Variants in NAV3 observed in about 807,000 individuals in gnomAD.
The protein encoded by NAV3 is pore membrane and/or filament interacting like protein 1.
In NAV3, 87 loss-of-function variants were observed where a neutral mutation model predicts 244.7. The ratio of observed to expected loss-of-function variants is 0.36; its 90% confidence interval spans 0.30 to 0.42. NAV3 has a LOEUF of 0.42. NAV3 is among the 20% of genes least tolerant of loss of function. The pLI is 1.00. For missense variants in NAV3, 2,663 were observed against 2,893.3 expected (o/e 0.92, Z 1.83); for synonymous variants, 1,126 against 1,042.2 (o/e 1.08, Z -1.55).
At chr12:77,576,977 G>C (rs78808483) in intron 2 of NAV3, among the ~76,000 whole-genome samples, 68 of 152,208 alleles carry the variant, frequency 4.5e-4, no homozygotes, top group African/African-American at 1.5e-3. Context: ...CACGGCTCTA[G>C]TAAGAATGAA....
intron 9 of NAV3, among the ~76,000 whole-genome samples, chr12:78,039,963 C>T (rs546213305): frequency 2.0e-5 from 3 of 152,190 alleles, no homozygotes; most frequent in African/African-American, 7.2e-5. Flanking sequence ...CAGGAGGAGA[C>T]ACAACATTGC....
intron 9 of NAV3, among the ~76,000 whole-genome samples, chr12:78,047,679 C>T (rs983547305): frequency 5.9e-5 from 9 of 152,058 alleles, no homozygotes; most frequent in Admixed American, 4.6e-4. Flanking sequence ...CTGACAATTA[C>T]GTGTCTTGGG....
At chr12:78,118,885 A>G (rs1401537777) in intron 14 of NAV3, among the ~76,000 whole-genome samples, 1 of 152,216 alleles carries the variant, frequency 6.6e-6, no homozygotes, top group Non-Finnish European at 1.5e-5. Context: ...TTAACAGGGT[A>G]CTCCAAATAT....
In NAV3 at chr12:78,007,175, C is replaced by A; in HGVS notation, c.1637C>A (p.Thr546Lys). Residue 546 changes from threonine (T) to lysine (K), a missense_variant, in exon 8 of 40, where the codon ACA becomes AAA. Physicochemically the swap from Thr to Lys is moderately conservative, Grantham distance 78. Around this residue, in one of 6 missense-constraint regions of NAV3, gnomAD observed 1,521 missense variants for 1,497.0 expected, o/e 1.02. Transcript: ENST00000397909. The stretch of plus-strand genomic sequence containing the variant: ...AAGCAAACCATTTCACCTGGCAGCA[C>A]AGCAAGCAAAGAGTCTGAGAAATTC... ...TVKQTISPGSTASKESEKFRT... is the reference protein window; with the variant it reads ...TVKQTISPGSKASKESEKFRT... 6.2e-7 allele frequency: 1 copy of A among 1,614,174 alleles called. No individual in the cohort carries two copies. Among genetic ancestry groups the A allele is most frequent in the Non-Finnish European group, 8.5e-7 (1 of 1,180,040 alleles).
chr12:78,042,845 A>ATG (rs953230501), intron 9 of NAV3, among the ~76,000 whole-genome samples: 9 of 152,272 alleles, frequency 5.9e-5, no homozygotes, highest in Middle Eastern at 3.4e-3. Flanking sequence ...CAGATTCCAA[A>ATG]TGTGTCCTTT....
intron 1 of NAV3, among the ~76,000 whole-genome samples, chr12:77,937,876 C>T (rs1476219680): frequency 6.6e-6 from 1 of 152,170 alleles, no homozygotes; most frequent in East Asian, 1.9e-4. Flanking sequence ...TTTTTCATGA[C>T]TAGCTTTGTG....
chr12:77,700,186 G>C (rs1023260996), intron 2 of NAV3, among the ~76,000 whole-genome samples: 2 of 152,106 alleles, frequency 1.3e-5, no homozygotes, highest in Non-Finnish European at 1.5e-5. Flanking sequence ...TTTGAAGAAA[G>C]AGTGAGAGGT....
chr12:77,835,984 A>C (rs1422468585), intron 1 of NAV3, among the ~76,000 whole-genome samples: 1 of 152,148 alleles, frequency 6.6e-6, no homozygotes, highest in Admixed American at 6.5e-5. Flanking sequence ...TGTCATATGC[A>C]GTTGGAAAAT....
intron 1 of NAV3, among the ~76,000 whole-genome samples, chr12:77,859,618 T>TTA (rs112877987): frequency 0.48 from 65,104 of 136,272 alleles, 15,074 homozygotes; most frequent in East Asian, 0.6. Context: ...TAAAGTGTAA[T>TTA]AAAAAAAAAA....
At chr12:77,939,192 C>G (rs935759697) in intron 1 of NAV3, among the ~76,000 whole-genome samples, 5 of 152,108 alleles carry the variant, frequency 3.3e-5, no homozygotes, top group Admixed American at 6.6e-5. Context: ...TAAAATGCAA[C>G]TTACCTTTTC....
chr12:77,913,339 GA>G (rs1886803504), intron 1 of NAV3, among the ~76,000 whole-genome samples: 1 of 151,952 alleles, frequency 6.6e-6, no homozygotes, highest in African/African-American at 2.4e-5. Flanking sequence ...AGTAGTTTAT[GA>G]AAAAGAGTAA....
At chr12:78,200,173 A>C (rs1444749939) in intron 37 of NAV3, among the ~76,000 whole-genome samples, 2 of 152,056 alleles carry the variant, frequency 1.3e-5, no homozygotes, top group East Asian at 3.9e-4. Flanking sequence ...TATATTTGGC[A>C]ATTCATTTCA....
At chr12:77,935,635 A>G (rs1206528401) in intron 1 of NAV3, among the ~76,000 whole-genome samples, 2 of 152,174 alleles carry the variant, frequency 1.3e-5, no homozygotes, top group African/African-American at 4.8e-5. Flanking sequence ...TCCTCACAAT[A>G]ATTCCATTGG....
chr12:78,060,987 C>T (rs889277395), intron 12 of NAV3, among the ~76,000 whole-genome samples: 4 of 152,152 alleles, frequency 2.6e-5, no homozygotes, highest in African/African-American at 9.7e-5. Flanking sequence ...GGCAGAGGAA[C>T]TCAGAACAAC....
In NAV3 at chr12:78,116,985, C is replaced by G. The variant is rs555711987; in HGVS notation, c.2769+81C>G. 834 of 1,450,812 alleles carry G rather than the reference C, an allele frequency of 5.7e-4. 3 individuals carry two copies. Among genetic ancestry groups the G allele is most frequent in the Non-Finnish European group, 1.2e-4 (124 of 1,065,630 alleles). The allele number at this position is 1,450,812 out of a possible 1,614,324, so 89.9% of individuals were successfully genotyped here. A position where few individuals can be genotyped will look rare whatever the true frequency, so the allele number is the denominator to read the frequency against. On this transcript the variant is annotated intron_variant, in intron 13 of 39. Coordinates refer to ENST00000397909, the MANE Select transcript of NAV3 (RefSeq NM_001024383.2). ...TACTTAATATTAGATTAAGGTATAG[C>G]ACAAGCCCTTAATCCAAAATTATTA...
At chr12:77,643,689 AATTT>A (rs1480864026) in intron 2 of NAV3, among the ~76,000 whole-genome samples, 1 of 151,894 alleles carries the variant, frequency 6.6e-6, no homozygotes, top group Non-Finnish European at 1.5e-5. Context: ...ACATTTACTT[AATTT>A]ATTCATTCTT....
chr12:78,012,949 T>A (rs1266479906), intron 8 of NAV3, among the ~76,000 whole-genome samples: 3 of 152,086 alleles, frequency 2.0e-5, no homozygotes, highest in Non-Finnish European at 4.4e-5. Flanking sequence ...AAATAAAAAT[T>A]GTTGAATGAA....
rs1329427571 is a variant in NAV3 at position 78,170,537 on chromosome 12, C to G, written c.4981+1671C>G. On this transcript the variant is annotated intron_variant, in intron 24 of 39. Coordinates refer to ENST00000397909, the MANE Select transcript of NAV3 (RefSeq NM_001024383.2). ...ATTAAGAAACACATCTACAGGTATCCCATTCATTGCCTTTAGAATGGAATA... is the reference window on the plus strand; with the variant it reads ...ATTAAGAAACACATCTACAGGTATCGCATTCATTGCCTTTAGAATGGAATA... 2.0e-5 allele frequency among the ~76,000 whole-genome samples: 3 copies of G among 151,710 alleles called. 1 individual carries two copies. The highest frequency in any genetic ancestry group is 7.3e-5 in the African/African-American group (3 of 41,374).
intron 2 of NAV3, among the ~76,000 whole-genome samples, chr12:77,684,424 T>G (rs1874619423): frequency 1.3e-5 from 2 of 152,150 alleles, no homozygotes; most frequent in African/African-American, 4.8e-5. Flanking sequence ...TGTTTTACTC[T>G]CTTGTCCAGG....
Sources: gnomAD v4.1 joint callset for allele counts (sites outside exome capture counted in the v4.1 genomes callset) on GRCh38, gnomAD v4.1.1 for gene constraint, gnomAD v4.1.1 regional missense constraint, MANE v1.5 for transcripts, NCBI Gene and HGNC (gene_info 2026-07-23, HGNC 2026-07-21) for gene names.